KDM3B: variants seen among roughly 807,000 people sequenced by gnomAD.
KDM3B encodes the protein lysine demethylase 3B.
KDM3B carries 10 observed loss-of-function variants against 170.0 expected under a neutral mutation model. The observed-to-expected ratio is 0.06, with a 90% CI of 0.04 to 0.10. The LOEUF (loss-of-function observed/expected upper bound fraction) is 0.10, where lower values mean the gene tolerates loss of function less well. KDM3B is among the 10% of genes least tolerant of loss of function. The pLI, the probability that KDM3B is intolerant of heterozygous loss-of-function variation, is 1.00. For synonymous variants in KDM3B, 831 were observed against 834.8 expected (o/e 1.00, Z 0.08); for missense variants, 1,394 against 2,195.2 (o/e 0.64, Z 7.29).
chr5:138,419,574 G>A (rs1763200964), intron 14 of KDM3B, among the ~76,000 whole-genome samples: 1 of 146,560 alleles, frequency 6.8e-6, no homozygotes, highest in East Asian at 2.1e-4. Context: ...AGAATGGCAT[G>A]AACCTGGGGG....
At chr5:138,411,081 G>T (rs915841473) in intron 11 of KDM3B, among the ~76,000 whole-genome samples, 2 of 152,090 alleles carry the variant, frequency 1.3e-5, no homozygotes, top group African/African-American at 4.8e-5. Context: ...GGGAAAAGGA[G>T]ACTCCCTTTC....
chr5:138,392,400 AG>A lies in KDM3B; in HGVS notation c.2629+140del, dbSNP rs1295255036. ...AATTACAGAGCCAAGAGGACCTGGCAGAGGCCCCTCGTCAGGCCTGGTTCAG... is the reference window on the plus strand; with the variant it reads ...AATTACAGAGCCAAGAGGACCTGGCAAGGCCCCTCGTCAGGCCTGGTTCAG... On this transcript the variant is annotated intron_variant, in intron 8 of 23. Coordinates refer to ENST00000314358, the MANE Select transcript of KDM3B (RefSeq NM_016604.4). The A allele has an allele frequency of 6.7e-6, 6 of 898,192 alleles. No individual in the cohort carries two copies. In the South Asian group the frequency reaches 1.6e-4, roughly 23 times the overall value. 55.6% of individuals were successfully genotyped at this position (898,192 alleles called of 1,614,324 possible). A position where few individuals can be genotyped will look rare whatever the true frequency, so the allele number is the denominator to read the frequency against.
Position 138,372,664 on chromosome 5 carries a change from T to C in KDM3B, c.193-10T>C. The C allele has an allele frequency of 6.2e-7, 1 of 1,607,476 alleles. No homozygotes were observed. The highest frequency in any genetic ancestry group is 8.5e-7 in the Non-Finnish European group (1 of 1,175,760). On this transcript the variant is annotated splice_polypyrimidine_tract_variant and intron_variant, in intron 1 of 23. Coordinates refer to ENST00000314358, the MANE Select transcript of KDM3B (RefSeq NM_016604.4). ...AGTGTGACTTCCAAACTGCTTTTTA[T>C]CTCTTGCAGATCTTTGTAGAATTTG... is the stretch of plus-strand genomic sequence containing the variant.
At chr5:138,369,539 G>A (rs1761823943) in intron 1 of KDM3B, among the ~76,000 whole-genome samples, 1 of 152,080 alleles carries the variant, frequency 6.6e-6, no homozygotes, top group South Asian at 2.1e-4. Context: ...ATTGACAGCT[G>A]GATGAAGCCC....
chr5:138,395,339 A>G (rs749650096), intron 9 of KDM3B, among the ~76,000 whole-genome samples: 1 of 152,214 alleles, frequency 6.6e-6, no homozygotes, highest in African/African-American at 2.4e-5. Flanking sequence ...GAGGTGAGAA[A>G]GATGGAAGCA....
intron 1 of KDM3B, among the ~76,000 whole-genome samples, chr5:138,367,072 A>G (rs1253551494): frequency 3.9e-5 from 6 of 152,216 alleles, no homozygotes. Context: ...TTTAAGACCC[A>G]GTTTGTATAC....
chr5:138,435,551 T>C, intron 23 of KDM3B, 69 bp from the exon 24 acceptor site: 1 of 1,252,538 alleles, frequency 8.0e-7, no homozygotes. Flanking sequence ...CCAGTAGGCT[T>C]ACAGTCAAGG....
At chr5:138,424,445 T>C in intron 16 of KDM3B, 104 bp downstream of exon 16, 1 of 1,336,242 alleles carries the variant, frequency 7.5e-7, no homozygotes, top group South Asian at 1.4e-5. Context: ...TTAGACATAG[T>C]GAGGTTATTG....
At chr5:138,378,435 T>A (rs1476783139) in intron 4 of KDM3B, among the ~76,000 whole-genome samples, 1 of 152,196 alleles carries the variant, frequency 6.6e-6, no homozygotes, top group Non-Finnish European at 1.5e-5. Flanking sequence ...GCTTGTTGTT[T>A]TTAATAATGA....
At chr5:138,354,973 C>T (rs1283159094) in intron 1 of KDM3B, among the ~76,000 whole-genome samples, 1 of 152,190 alleles carries the variant, frequency 6.6e-6, no homozygotes, top group East Asian at 1.9e-4. Flanking sequence ...CTATTAATGA[C>T]AATGACCAGT....
Position 138,386,084 on chromosome 5 carries a change from G to C in KDM3B, c.843G>C (p.Gly281=), listed in dbSNP as rs1441603392. The C allele has an allele frequency of 6.2e-7, 1 of 1,614,180 alleles. No homozygotes were observed. Among genetic ancestry groups the C allele is most frequent in the Non-Finnish European group, 8.5e-7 (1 of 1,180,034 alleles). Residue 281 remains glycine (G), a synonymous_variant, in exon 7 of 24, where the codon GGG becomes GGC. Transcript: ENST00000314358. The part of the protein sequence containing the change: ...KGKKKRESIE[G]KDGRRRKSAS... ...AGAAGAAGAGAGAAAGCATAGAGGG[G>C]AAAGATGGCCGGAGGAGGAAAAGTG...
At chr5:138,416,864 A>G (rs994665799) in intron 12 of KDM3B, among the ~76,000 whole-genome samples, 1 of 152,158 alleles carries the variant, frequency 6.6e-6, no homozygotes, top group Non-Finnish European at 1.5e-5. Context: ...CCTGTTGCCC[A>G]GGCTGGAGTA....
intron 11 of KDM3B, among the ~76,000 whole-genome samples, chr5:138,405,046 A>ATT (rs145119422): frequency 2.4e-5 from 3 of 126,740 alleles, no homozygotes; most frequent in Admixed American, 7.9e-5. Flanking sequence ...CAGCCTACAA[A>ATT]TTTTTTTTTT....
At position 138,379,566 on chromosome 5, in the gene KDM3B, G is replaced by A; in HGVS notation, c.581-18G>A. 1 of 1,603,852 alleles carries A rather than the reference G, an allele frequency of 6.2e-7. No individual in the cohort carries two copies. The highest frequency in any genetic ancestry group is 1.3e-5 in the African/African-American group (1 of 74,514). ...AGCTTAGCCAAAAATACTCAATACT[G>A]ACTGATCTCCCTTTTAGGTCCCTAC... On this transcript the variant is annotated intron_variant, in intron 4 of 23. Coordinates refer to ENST00000314358, the MANE Select transcript of KDM3B (RefSeq NM_016604.4).
At chr5:138,395,054 G>T (rs1285637035) in intron 9 of KDM3B, among the ~76,000 whole-genome samples, 2 of 152,192 alleles carry the variant, frequency 1.3e-5, no homozygotes, top group Non-Finnish European at 2.9e-5. Flanking sequence ...GCCATTTACT[G>T]ATAAAGAGAT....
Position 138,377,797 on chromosome 5 carries a change from C to T in KDM3B, c.552C>T (p.Asp184=), listed in dbSNP as rs771805443. 1.2e-6 allele frequency: 2 copies of T among 1,613,578 alleles called. No homozygotes were observed. Among genetic ancestry groups the T allele is most frequent in the South Asian group, 1.1e-5 (1 of 91,064 alleles). ...LRETVNALIS[D]QKLQEIFSRG... ...AAACAGTTAATGCTTTGATCAGTGACCAAAAGCTACAAGAGATATTCAGCC... is the reference window on the plus strand; with the variant it reads ...AAACAGTTAATGCTTTGATCAGTGATCAAAAGCTACAAGAGATATTCAGCC... Residue 184 remains aspartate (D), a synonymous_variant, in exon 4 of 24, where the codon GAC becomes GAT. Coordinates refer to ENST00000314358, the MANE Select transcript of KDM3B (RefSeq NM_016604.4).
In KDM3B at chr5:138,375,215, C is replaced by A; in HGVS notation, c.474+9C>A. ...GGTTGCATCTGTTTCAGGTATTTAACACTTGCTTTAGTCTTGAGCCTATTA... is the reference window on the plus strand; with the variant it reads ...GGTTGCATCTGTTTCAGGTATTTAAAACTTGCTTTAGTCTTGAGCCTATTA... On this transcript the variant is annotated intron_variant, in intron 3 of 23. Transcript: ENST00000314358. 2 of 1,553,854 alleles carry A rather than the reference C, an allele frequency of 1.3e-6. No homozygotes were observed. Among genetic ancestry groups the A allele is most frequent in the South Asian group, 1.1e-5 (1 of 89,782 alleles).
At position 138,389,776 on chromosome 5, in the gene KDM3B, C is replaced by CTGTG. The variant is rs1234025296; in HGVS notation, c.1381-1236_1381-1235insGTGT. Reference sequence around the variant, plus strand: ...CTATGGGTCTCTTCTCTCTCTCTCTCTCTCTCTGTGTGTGTGTGTGTGTGT... The same window carrying CTGTG: ...CTATGGGTCTCTTCTCTCTCTCTCTCTGTGTCTCTCTGTGTGTGTGTGTGTGTGT... On this transcript the variant is annotated intron_variant, in intron 7 of 23. Transcript: ENST00000314358. Among the ~76,000 whole-genome samples the CTGTG allele has an allele frequency of 1.5e-4, 18 of 116,612 alleles. No homozygotes were observed. The South Asian group carries it at 1.6e-3, about 10-fold the overall frequency. The allele number at this position is 116,612 out of a possible 152,430, so 76.5% of individuals were successfully genotyped here.
intron 17 of KDM3B, 137 bp from the exon 18 acceptor site, chr5:138,426,838 G>A (rs1211659997): frequency 1.7e-5 from 11 of 631,000 alleles, no homozygotes; most frequent in African/African-American, 7.5e-5. Context: ...ACTGCAGCCC[G>A]GGTGACAGAG....
Sources: allele counts gnomAD v4.1 joint callset (sites outside exome capture counted in the v4.1 genomes callset), GRCh38; gene constraint gnomAD v4.1.1; transcripts MANE v1.5; gene names NCBI Gene and HGNC (gene_info 2026-07-23, HGNC 2026-07-21).